Variants in CACNB2 observed in about 807,000 individuals in gnomAD.
CACNB2 encodes voltage-dependent L-type calcium channel subunit beta-2.
CACNB2 carries 42 observed loss-of-function variants against 73.3 expected under a neutral mutation model. The ratio of observed to expected loss-of-function variants is 0.57; its 90% CI spans 0.45 to 0.74. The LOEUF (loss-of-function observed/expected upper bound fraction) is 0.74. CACNB2 is among the 30% of genes least tolerant of loss of function. CACNB2 has a pLI of 0.00. For synonymous variants in CACNB2, 348 were observed against 310.3 expected, an observed-to-expected ratio of 1.12 and a Z score of -1.28; for missense variants, 940 against 853.0, an observed-to-expected ratio of 1.10 and a Z score of -1.27.
chr10:18,481,191 G>GATATATATATATATAT (rs1564598989), intron 3 of CACNB2, among the ~76,000 whole-genome samples: 1 of 40,520 alleles, frequency 2.5e-5, no homozygotes, highest in African/African-American at 1.1e-4. Context: ...TTACATCTTC[G>GATATATATATATATAT]CTATATATAT....
chr10:18,511,236 G>C (rs1230089390), intron 6 of CACNB2, among the ~76,000 whole-genome samples: 1 of 151,462 alleles, frequency 6.6e-6, no homozygotes, highest in Non-Finnish European at 1.5e-5. Flanking sequence ...CCTTTTTTTT[G>C]ATAGAAAATC....
chr10:18,340,482 C>G (rs2041185016), intron 2 of CACNB2, among the ~76,000 whole-genome samples: 1 of 152,148 alleles, frequency 6.6e-6, no homozygotes. Flanking sequence ...ATGCTAACAG[C>G]TTATCCAGTT....
intron 2 of CACNB2, among the ~76,000 whole-genome samples, chr10:18,174,332 T>TTTTC (rs768360629): frequency 7.1e-6 from 1 of 140,852 alleles, no homozygotes; most frequent in Non-Finnish European, 1.5e-5. Flanking sequence ...CCCTCTTTTC[T>TTTTC]TTTCTTTCTT....
At chr10:18,513,095 C>G (rs1273495353) in intron 6 of CACNB2, 1 of 134,694 alleles carries the variant, frequency 7.4e-6, no homozygotes, top group Non-Finnish European at 1.5e-5. Flanking sequence ...AAACAGTGAC[C>G]ATAACCTTTT....
At chr10:18,467,639 A>G (rs2047965480) in intron 3 of CACNB2, among the ~76,000 whole-genome samples, 1 of 152,186 alleles carries the variant, frequency 6.6e-6, no homozygotes, top group Non-Finnish European at 1.5e-5. Context: ...ATTGGAAAAT[A>G]ATTTACTATT....
rs1346696014 is a variant in CACNB2 at position 18,540,967 on chromosome 10, G to C, written c.*1243G>C. On this transcript the variant is annotated 3_prime_UTR_variant, in exon 14 of 14. Coordinates refer to ENST00000324631, the MANE Select transcript of CACNB2 (RefSeq NM_201596.3). ...CTGCCTCCTTGTTTTTGCTCCTAGA[G>C]AGTGAAAATACAGGCAATTTTACTG... is the stretch of plus-strand genomic sequence containing the variant. 6.6e-6 allele frequency: 1 copy of C among 152,616 alleles called. No homozygotes were observed. The highest frequency in any genetic ancestry group is 6.5e-5 in the Admixed American group (1 of 15,274). The allele number at this position is 152,616 out of a possible 1,614,324, so 9.5% of individuals were successfully genotyped here.
chr10:18,143,684 G>A (rs768289187), intron 1 of CACNB2, among the ~76,000 whole-genome samples: 4 of 152,180 alleles, frequency 2.6e-5, no homozygotes, highest in Non-Finnish European at 5.9e-5. Flanking sequence ...CCATCTCTCT[G>A]TTTGGGCAGA....
intron 2 of CACNB2, among the ~76,000 whole-genome samples, chr10:18,180,445 G>A (rs1415140832): frequency 6.7e-6 from 1 of 148,736 alleles, no homozygotes; most frequent in African/African-American, 2.6e-5. Context: ...GACTGGGTAA[G>A]GCTGCCTTTT....
intron 2 of CACNB2, among the ~76,000 whole-genome samples, chr10:18,399,654 G>A (rs2043891135): frequency 1.3e-5 from 2 of 151,834 alleles, no homozygotes; most frequent in Admixed American, 6.6e-5. Flanking sequence ...GAGTCCTAGG[G>A]TTACGGTCGT....
chr10:18,200,304 A>G (rs966898847), intron 2 of CACNB2, among the ~76,000 whole-genome samples: 15 of 151,952 alleles, frequency 9.9e-5, no homozygotes, highest in South Asian at 2.1e-4. Flanking sequence ...CATTATTGCA[A>G]TTGTGAAAGA....
At chr10:18,228,886 G>A (rs1464818173) in intron 2 of CACNB2, among the ~76,000 whole-genome samples, 2 of 152,022 alleles carry the variant, frequency 1.3e-5, no homozygotes, top group Non-Finnish European at 2.9e-5. Flanking sequence ...TTACAAGCAT[G>A]TGCCACCATG....
At chr10:18,489,585 T>A (rs1231955047) in intron 3 of CACNB2, among the ~76,000 whole-genome samples, 1 of 152,008 alleles carries the variant, frequency 6.6e-6, no homozygotes, top group Non-Finnish European at 1.5e-5. Flanking sequence ...TGGGAGAACT[T>A]TTTTGAGCCT....
intron 4 of CACNB2, among the ~76,000 whole-genome samples, chr10:18,499,241 T>C (rs1174417397): frequency 6.6e-6 from 1 of 152,154 alleles, no homozygotes; most frequent in African/African-American, 2.4e-5. Context: ...AGGGTATATA[T>C]AATATGTCAT....
intron 3 of CACNB2, among the ~76,000 whole-genome samples, chr10:18,473,987 T>C (rs1057066145): frequency 1.1e-4 from 17 of 152,186 alleles, no homozygotes; most frequent in Non-Finnish European, 2.4e-4. Flanking sequence ...GCTTCCGTTT[T>C]TCATTTTAAA....
intron 3 of CACNB2, among the ~76,000 whole-genome samples, chr10:18,476,590 A>T (rs1243032694): frequency 6.6e-6 from 1 of 152,214 alleles, no homozygotes; most frequent in East Asian, 1.9e-4. Context: ...CTATGCACAC[A>T]TCTGATTGGC....
At chr10:18,444,004 C>G (rs2046609880) in intron 3 of CACNB2, among the ~76,000 whole-genome samples, 1 of 152,164 alleles carries the variant, frequency 6.6e-6, no homozygotes, top group Non-Finnish European at 1.5e-5. Context: ...CGTGAGCCAC[C>G]ACACCCAGCC....
At chr10:18,498,070 T>A (rs1169831960) in intron 3 of CACNB2, among the ~76,000 whole-genome samples, 2 of 151,376 alleles carry the variant, frequency 1.3e-5, no homozygotes, top group Non-Finnish European at 2.9e-5. Context: ...GCGCCAATGT[T>A]GAAAACACAT....
At chr10:18,262,297 A>G (rs61844246) in intron 2 of CACNB2, among the ~76,000 whole-genome samples, 16,059 of 121,540 alleles carry the variant, frequency 0.13, 1,123 homozygotes, top group Non-Finnish European at 0.17. Flanking sequence ...TCAATAATAA[A>G]GTTGGAAATG....
intron 2 of CACNB2, among the ~76,000 whole-genome samples, chr10:18,154,927 C>T (rs963286980): frequency 3.9e-5 from 6 of 152,166 alleles, no homozygotes; most frequent in Admixed American, 2.0e-4. Flanking sequence ...CTTTTAGTTT[C>T]CAAAACTGCG....
Sources: allele counts gnomAD v4.1 joint callset (sites outside exome capture counted in the v4.1 genomes callset), GRCh38; gene constraint gnomAD v4.1.1; transcripts MANE v1.5; gene names NCBI Gene and HGNC (gene_info 2026-07-23, HGNC 2026-07-21).